The following ACOT7 variants were observed in gnomAD, a reference collection of about 807,000 sequenced individuals.
The protein encoded by ACOT7 is cytosolic acyl coenzyme A thioester hydrolase.
ACOT7 carries 12 observed loss-of-function variants against 40.2 expected under a neutral mutation model. The ratio of observed to expected loss-of-function variants is 0.30; its 90% CI spans 0.19 to 0.48. The LOEUF (loss-of-function observed/expected upper bound fraction) is 0.48, where lower values mean the gene tolerates loss of function less well. Among genes scored for constraint, ACOT7 ranks in the 20% least tolerant of loss-of-function variants. ACOT7 has a pLI of 0.99. For missense variants in ACOT7, 395 were observed against 530.8 expected (o/e 0.74, Z 2.51); for synonymous variants, 228 against 219.5 (o/e 1.04, Z -0.34).
intron 5 of ACOT7, among the ~76,000 whole-genome samples, chr1:6,320,829 G>A (rs1397692419): frequency 6.6e-6 from 1 of 152,146 alleles, no homozygotes; most frequent in African/African-American, 2.4e-5. Flanking sequence ...CGGCCTCTGC[G>A]CTGACCTCAG....
At chr1:6,369,103 C>T (rs901141534) in intron 1 of ACOT7, among the ~76,000 whole-genome samples, 1 of 151,774 alleles carries the variant, frequency 6.6e-6, no homozygotes, top group African/African-American at 2.4e-5. Context: ...TGTGACTCAG[C>T]CTCCTGAGTA....
At position 6,385,274 on chromosome 1, in the gene ACOT7, G is replaced by A. The variant is rs1450996731; in HGVS notation, c.143+7983C>T. On this transcript the variant is annotated intron_variant, in intron 1 of 8. Coordinates refer to ENST00000361521, the MANE Select transcript of ACOT7 (RefSeq NM_007274.4). ...CAGGTCACCTCCTCCAACAAAGCCC[G>A]GGTGTTCCGCTCGTCCCTAGGGGAA... 3.3e-5 allele frequency among the ~76,000 whole-genome samples: 5 copies of A among 151,868 alleles called. No homozygotes were observed. The East Asian group carries it at 7.7e-4, about 23-fold the overall frequency.
chr1:6,374,856 G>A (rs969984301), intron 1 of ACOT7, among the ~76,000 whole-genome samples: 1 of 152,232 alleles, frequency 6.6e-6, no homozygotes, highest in Non-Finnish European at 1.5e-5. Flanking sequence ...TCAAGAGTCA[G>A]AGGAGAAAAA....
chr1:6,373,226 T>G (rs1642166031), intron 1 of ACOT7, among the ~76,000 whole-genome samples: 1 of 151,938 alleles, frequency 6.6e-6, no homozygotes, highest in South Asian at 2.1e-4. Flanking sequence ...ATGGTGCCAA[T>G]AGACTTGCTC....
At chr1:6,320,099 C>T (rs1640601672) in intron 5 of ACOT7, among the ~76,000 whole-genome samples, 1 of 152,228 alleles carries the variant, frequency 6.6e-6, no homozygotes, top group Admixed American at 6.5e-5. Flanking sequence ...TTCATGGGAA[C>T]TTAACCTCCC....
chr1:6,368,088 T>C (rs1158191678), intron 1 of ACOT7, among the ~76,000 whole-genome samples: 1 of 151,950 alleles, frequency 6.6e-6, no homozygotes, highest in Non-Finnish European at 1.5e-5. Context: ...GGTCCATGGG[T>C]GGGCCAGCAA....
chr1:6,350,375 C>T (rs972035898), intron 1 of ACOT7, among the ~76,000 whole-genome samples: 1 of 152,334 alleles, frequency 6.6e-6, no homozygotes, highest in East Asian at 1.9e-4. Context: ...AGCAGGTGAG[C>T]GCCTGCCCAC....
chr1:6,365,109 G>A (rs550545224), intron 1 of ACOT7, among the ~76,000 whole-genome samples: 1 of 152,270 alleles, frequency 6.6e-6, no homozygotes, highest in South Asian at 2.1e-4. Flanking sequence ...AAGGGAGGCT[G>A]GACAAAAAGA....
chr1:6,273,085 T>C (rs1639082128), intron 8 of ACOT7, among the ~76,000 whole-genome samples: 1 of 152,206 alleles, frequency 6.6e-6, no homozygotes, highest in Non-Finnish European at 1.5e-5. Flanking sequence ...CCAGGTGGGT[T>C]TTTAACCCCC....
At chr1:6,371,364 T>G (rs1357240728) in intron 1 of ACOT7, among the ~76,000 whole-genome samples, 1 of 109,880 alleles carries the variant, frequency 9.1e-6, no homozygotes, top group Non-Finnish European at 1.6e-5. Flanking sequence ...AGCCTGTCCT[T>G]TTTTTTTTTT....
rs1283045956 is a variant in ACOT7, at chr1:6,301,029, G to A, written c.713-6049C>T. 6.6e-6 allele frequency among the ~76,000 whole-genome samples: 1 copy of A among 152,230 alleles called. No individual in the cohort carries two copies. The highest frequency in any genetic ancestry group is 1.5e-5 in the Non-Finnish European group (1 of 68,042). ...CCATGTTGCCTCCCCATCCTGTCCTGTGACATCGAGTCCAGAGTGGAATTC... is the reference window on the plus strand; with the variant it reads ...CCATGTTGCCTCCCCATCCTGTCCTATGACATCGAGTCCAGAGTGGAATTC... On this transcript the variant is annotated intron_variant, in intron 6 of 8. Coordinates refer to ENST00000361521, the MANE Select transcript of ACOT7 (RefSeq NM_007274.4). This position sits in a 1 kb window ranked among gnomAD's most constrained non-coding sequence, Gnocchi z 4.1.
intron 1 of ACOT7, among the ~76,000 whole-genome samples, chr1:6,357,698 G>T (rs917739729): frequency 6.6e-6 from 1 of 152,134 alleles, no homozygotes; most frequent in Non-Finnish European, 1.5e-5. Context: ...AAGGAGAAGC[G>T]GGTCTCCTTA....
At chr1:6,384,607 G>GTAA (rs1327089682) in intron 1 of ACOT7, among the ~76,000 whole-genome samples, 1 of 151,864 alleles carries the variant, frequency 6.6e-6, no homozygotes, top group African/African-American at 2.4e-5. Context: ...TACAATTCAA[G>GTAA]TAAAGTCTGG....
At chr1:6,357,111 C>T (rs1185461253) in intron 1 of ACOT7, among the ~76,000 whole-genome samples, 1 of 151,926 alleles carries the variant, frequency 6.6e-6, no homozygotes, top group Non-Finnish European at 1.5e-5. Context: ...GTGGCACATG[C>T]CTGTAATCCC....
intron 8 of ACOT7, among the ~76,000 whole-genome samples, chr1:6,276,899 G>A (rs531182373): frequency 2.0e-5 from 3 of 152,146 alleles, no homozygotes; most frequent in Admixed American, 2.0e-4. Context: ...CCCAGGGGAT[G>A]GGCTGCCATT....
chr1:6,308,331 GGGAACCACAACAGGCAGAA>G (rs1163050269), intron 6 of ACOT7, among the ~76,000 whole-genome samples: 4 of 151,198 alleles, frequency 2.6e-5, no homozygotes, highest in Non-Finnish European at 5.9e-5. Context: ...ACCGGGCAGA[GGGAACCACAACAGGCAGAA>G]GGAACAGCCA....
intron 1 of ACOT7, among the ~76,000 whole-genome samples, chr1:6,376,812 C>T (rs1055830993): frequency 6.6e-6 from 1 of 151,020 alleles, no homozygotes; most frequent in African/African-American, 2.4e-5. Flanking sequence ...AGGAGAATGG[C>T]GTGAACCTGG....
intron 7 of ACOT7, among the ~76,000 whole-genome samples, chr1:6,293,942 G>A (rs540948273): frequency 2.6e-5 from 4 of 152,340 alleles, no homozygotes; most frequent in Admixed American, 6.5e-5. Context: ...TGGGCTACCC[G>A]GGGCCTGGGA....
At chr1:6,383,598 T>C (rs1365740805) in intron 1 of ACOT7, among the ~76,000 whole-genome samples, 1 of 150,776 alleles carries the variant, frequency 6.6e-6, no homozygotes, top group African/African-American at 2.4e-5. Flanking sequence ...ATTGCAGTGG[T>C]GCAATAAGCT....
Sources: gnomAD v4.1 joint callset for allele counts (sites outside exome capture counted in the v4.1 genomes callset) on GRCh38, gnomAD v4.1.1 for gene constraint, Gnocchi (gnomAD v3.1) non-coding constraint, MANE v1.5 for transcripts, NCBI Gene and HGNC (gene_info 2026-07-23, HGNC 2026-07-21) for gene names.